Variants in NCOR2 observed in about 807,000 individuals in gnomAD.
The protein encoded by NCOR2 is CTG repeat protein 26.
NCOR2 carries 81 observed loss-of-function variants against 262.9 expected under a neutral mutation model. That is an observed-to-expected ratio of 0.31 (90% confidence interval 0.26 to 0.37). The LOEUF is 0.37. Among genes scored for constraint, NCOR2 ranks in the 10% least tolerant of loss-of-function variants. The pLI is 1.00. For missense variants in NCOR2, 3,385 were observed against 3,621.4 expected (o/e 0.93, Z 1.68); for synonymous variants, 1,659 against 1,559.3 (o/e 1.06, Z -1.51).
At chr12:124,357,597 C>A (rs1030207965) in intron 22 of NCOR2, among the ~76,000 whole-genome samples, 1 of 152,260 alleles carries the variant, frequency 6.6e-6, no homozygotes, top group East Asian at 1.9e-4. Flanking sequence ...CGCCTGGCCC[C>A]GCCGTCTGAC....
At chr12:124,358,121 G>A (rs1397686389) in intron 22 of NCOR2, among the ~76,000 whole-genome samples, 6 of 150,666 alleles carry the variant, frequency 4.0e-5, no homozygotes, top group African/African-American at 1.5e-4. Context: ...GTGCGTGTGA[G>A]TGCATGGATG....
At chr12:124,370,887 A>T (rs1047997495) in intron 20 of NCOR2, among the ~76,000 whole-genome samples, 2 of 152,106 alleles carry the variant, frequency 1.3e-5, no homozygotes, top group Non-Finnish European at 2.9e-5. Context: ...GAACCTCTGC[A>T]CCTGTGATCC....
chr12:124,353,866 C>G (rs2037721066), intron 27 of NCOR2, among the ~76,000 whole-genome samples: 1 of 152,234 alleles, frequency 6.6e-6, no homozygotes, highest in South Asian at 2.1e-4. Context: ...TGGTCTGTTT[C>G]CTTCCACTAC....
intron 5 of NCOR2, among the ~76,000 whole-genome samples, chr12:124,461,559 C>A (rs930001027): frequency 3.3e-5 from 5 of 152,228 alleles, no homozygotes; most frequent in African/African-American, 1.2e-4. Context: ...ACCCACGTTA[C>A]CAAGTGCACA....
chr12:124,361,172 G>A (rs61654236), intron 22 of NCOR2, among the ~76,000 whole-genome samples: 1,832 of 152,090 alleles, frequency 0.012, 42 homozygotes, highest in African/African-American at 0.042. Context: ...CCAAGGCAGC[G>A]GGGAGGGGAC....
chr12:124,521,778 T>C (rs2050204473), intron 1 of NCOR2, among the ~76,000 whole-genome samples: 3 of 152,132 alleles, frequency 2.0e-5, no homozygotes, highest in Admixed American at 2.0e-4. Context: ...TGAAAATAAA[T>C]AGGCCGGGCG....
chr12:124,426,583 G>GGGGGTC (rs756026743), intron 11 of NCOR2, 39 bp downstream of exon 13: 62 of 1,526,112 alleles, frequency 4.1e-5, no homozygotes, highest in Non-Finnish European at 5.3e-5. Flanking sequence ...GGATGGGGGT[G>GGGGGTC]GGGGGCCGGG....
chr12:124,442,419 C>G (rs569389626), intron 7 of NCOR2, among the ~76,000 whole-genome samples: 13 of 152,348 alleles, frequency 8.5e-5, no homozygotes, highest in Middle Eastern at 3.4e-3. Context: ...GGATGACAGG[C>G]GTGGGCCACC....
rs773529156 is a variant in NCOR2 at position 124,325,384 on chromosome 12, C to CCA, written c.*17_*18insTG. On this transcript the variant is annotated 3_prime_UTR_variant, in exon 47 of 47. Coordinates refer to ENST00000405201, the Ensembl canonical transcript of NCOR2. ...TCGCTGGGACCTGACACCGCCCCCC[C>CCA]CCCCGCCCTGTTCTGAGTCACTCGC... 1.5e-4 allele frequency: 75 copies of CCA among 486,692 alleles called. 9 individuals are homozygous for CCA. In the East Asian group the frequency reaches 1.6e-3, roughly 10 times the overall value. 30.1% of individuals were successfully genotyped at this position (486,692 alleles called of 1,614,324 possible). A position where few individuals can be genotyped will look rare whatever the true frequency, so the allele number is the denominator to read the frequency against.
At chr12:124,424,753 T>C (rs1251185679) in intron 11 of NCOR2, among the ~76,000 whole-genome samples, 1 of 152,138 alleles carries the variant, frequency 6.6e-6, no homozygotes, top group Non-Finnish European at 1.5e-5. Context: ...GGAAGGAGTG[T>C]CATTGCTTTG....
intron 20 of NCOR2, among the ~76,000 whole-genome samples, chr12:124,366,224 C>G (rs2039024957): frequency 6.6e-6 from 1 of 152,148 alleles, no homozygotes; most frequent in Non-Finnish European, 1.5e-5. Context: ...GGAGACAAAG[C>G]GTGCCCTGTC....
At chr12:124,494,801 C>T (rs1354441041) in intron 1 of NCOR2, among the ~76,000 whole-genome samples, 3 of 152,162 alleles carry the variant, frequency 2.0e-5, no homozygotes, top group South Asian at 2.1e-4. Flanking sequence ...CCCAATACTG[C>T]GGCAGCGGGG....
chr12:124,465,280 A>G (rs2046361882), intron 5 of NCOR2, among the ~76,000 whole-genome samples: 1 of 152,018 alleles, frequency 6.6e-6, no homozygotes. Context: ...CATCCAGAAA[A>G]TAAGGGAGGG....
chr12:124,383,420 G>A (rs1421887610), intron 17 of NCOR2: 3 of 459,200 alleles, frequency 6.5e-6, no homozygotes, highest in African/African-American at 2.1e-5. Flanking sequence ...CCACGCCAGC[G>A]GCTTCACTGG....
At chr12:124,488,305 G>A (rs1022739842) in intron 1 of NCOR2, among the ~76,000 whole-genome samples, 14 of 152,200 alleles carry the variant, frequency 9.2e-5, no homozygotes, top group Non-Finnish European at 1.2e-4. Context: ...TCAGAAGCTG[G>A]AAAAGCTGGG....
chr12:124,373,918 C>A (rs2039771702), intron 19 of NCOR2, among the ~76,000 whole-genome samples: 1 of 152,214 alleles, frequency 6.6e-6, no homozygotes, highest in African/African-American at 2.4e-5. Flanking sequence ...GGGCCCCGGG[C>A]ACAGCCCACA....
chr12:124,399,103 T>C (rs1275466383), intron 15 of NCOR2, among the ~76,000 whole-genome samples: 2 of 149,272 alleles, frequency 1.3e-5, no homozygotes, highest in Non-Finnish European at 3.0e-5. Flanking sequence ...GGCTGAGGAG[T>C]GGCGGAAGGT....
intron 3 of NCOR2, among the ~76,000 whole-genome samples, chr12:124,477,221 T>C (rs1001095598): frequency 6.6e-6 from 1 of 152,130 alleles, no homozygotes; most frequent in African/African-American, 2.4e-5. Flanking sequence ...ATGGTGGCGG[T>C]TTCCCCCGTC....
chr12:124,453,597 A>C (rs529290251), intron 6 of NCOR2, among the ~76,000 whole-genome samples: 1 of 152,350 alleles, frequency 6.6e-6, no homozygotes, highest in South Asian at 2.1e-4. Flanking sequence ...TGAGCCAGCC[A>C]GCAGGGCCAC....
Sources: allele counts gnomAD v4.1 joint callset (sites outside exome capture counted in the v4.1 genomes callset), GRCh38; gene constraint gnomAD v4.1.1; transcripts MANE v1.5; gene names NCBI Gene and HGNC (gene_info 2026-07-23, HGNC 2026-07-21).